Variants in LHCGR observed in about 807,000 individuals in gnomAD.
The protein encoded by LHCGR is lutropin-choriogonadotropic hormone receptor.
A neutral mutation model predicts 60.7 loss-of-function variants in LHCGR; 55 were observed. The observed-to-expected ratio is 0.91, with a 90% confidence interval of 0.73 to 1.13. LHCGR has a LOEUF of 1.13. Ranked by LOEUF, LHCGR falls within the 50% of genes most tolerant of loss-of-function variation. LHCGR has a pLI of 0.00. For synonymous variants in LHCGR, 337 were observed against 316.5 expected (o/e 1.06, Z -0.69); for missense variants, 862 against 836.0 (o/e 1.03, Z -0.38).
At position 48,709,015 on chromosome 2, in the gene LHCGR, T is replaced by G. The variant is rs765203129; in HGVS notation, c.613A>C (p.Lys205Gln). Residue 205 changes from lysine to glutamine, a missense_variant, in exon 8 of 11, where the codon AAG becomes CAG. By Grantham distance (53) the Lys-to-Gln change is moderately conservative. Transcript: ENST00000294954. ...ATCTTCTCCAGATGTACGTTTTCCTTTAGCTCCCTGTGGGGAAGGATATTG... is the reference window on the plus strand; with the variant it reads ...ATCTTCTCCAGATGTACGTTTTCCTGTAGCTCCCTGTGGGGAAGGATATTG... ...NGTTLTSLEL[K>Q]ENVHLEKMHN... is the part of the protein sequence containing the mutation. 5 of 1,614,068 alleles carry G rather than the reference T, an allele frequency of 3.1e-6. No individual in the cohort carries two copies. The South Asian group carries it at 5.5e-5, about 18-fold the overall frequency.
chr2:48,735,870 TGTTGGAGGTGGGGCTTG>T (rs1484174327), intron 1 of LHCGR, among the ~76,000 whole-genome samples: 1 of 152,112 alleles, frequency 6.6e-6, no homozygotes, highest in Admixed American at 6.5e-5. Context: ...TAATTCCCAG[TGTTGGAGGTGGGGCTTG>T]GTTGGAGGTG....
chr2:48,692,508 C>T (rs1666901411), intron 10 of LHCGR, among the ~76,000 whole-genome samples: 1 of 152,132 alleles, frequency 6.6e-6, no homozygotes, highest in Admixed American at 6.5e-5. Context: ...TGGGATGGCT[C>T]CTGAGGGCAG....
At chr2:48,708,804 A>G (rs1306829944) in intron 8 of LHCGR, 144 bp downstream of exon 8, 3 of 765,980 alleles carry the variant, frequency 3.9e-6, no homozygotes, top group African/African-American at 3.4e-5. Flanking sequence ...CAGCTGTGAT[A>G]CACTTTGTCT....
At position 48,750,860 on chromosome 2, in the gene LHCGR, T is replaced by A. The variant is rs76631492; in HGVS notation, c.161+4651A>T. The stretch of plus-strand genomic sequence containing the variant: ...CCAAATGTCTAGAGATACTTTTGGT[T>A]GTCACAATTTGGGAAGGCAGCGCTC... On this transcript the variant is annotated intron_variant, in intron 1 of 10. Transcript: ENST00000294954. Among the ~76,000 whole-genome samples, 28 of 152,302 alleles carry A rather than the reference T, an allele frequency of 1.8e-4. No homozygotes were observed. In the East Asian group the frequency reaches 5.4e-3, roughly 29 times the overall value.
chr2:48,737,454 AC>A (rs1447677957), intron 1 of LHCGR, among the ~76,000 whole-genome samples: 3 of 152,372 alleles, frequency 2.0e-5, no homozygotes, highest in African/African-American at 7.2e-5. Flanking sequence ...TCTACACTTA[AC>A]AGTGTCTTAA....
intron 1 of LHCGR, among the ~76,000 whole-genome samples, chr2:48,748,790 C>T (rs928664274): frequency 3.3e-5 from 5 of 152,136 alleles, no homozygotes; most frequent in African/African-American, 1.2e-4. Context: ...CACTCAGGGA[C>T]AGGAATCATC....
chr2:48,746,146 C>T (rs1669696873), intron 1 of LHCGR, among the ~76,000 whole-genome samples: 1 of 152,206 alleles, frequency 6.6e-6, no homozygotes, highest in African/African-American at 2.4e-5. Context: ...CAGCTGCTTA[C>T]TGTGAAAGAT....
chr2:48,749,007 A>G (rs1669831904), intron 1 of LHCGR, among the ~76,000 whole-genome samples: 2 of 152,222 alleles, frequency 1.3e-5, no homozygotes. Context: ...GTCTGCTGCT[A>G]CTCATGAGGT....
chr2:48,727,033 T>C (rs1448539577), intron 3 of LHCGR, among the ~76,000 whole-genome samples: 2 of 152,128 alleles, frequency 1.3e-5, no homozygotes, highest in Admixed American at 1.3e-4. Context: ...TCTTCAGATG[T>C]GAGTGATATT....
At chr2:48,724,499 C>T (rs1418454572) in intron 4 of LHCGR, among the ~76,000 whole-genome samples, 1 of 152,172 alleles carries the variant, frequency 6.6e-6, no homozygotes, top group African/African-American at 2.4e-5. Flanking sequence ...CTCTGGTTCT[C>T]CTTCTTATCC....
intron 1 of LHCGR, among the ~76,000 whole-genome samples, chr2:48,749,281 A>C (rs1237520977): frequency 1.3e-5 from 2 of 152,200 alleles, no homozygotes. Context: ...AAGCAGCTAG[A>C]AGCTGCCCAC....
chr2:48,716,780 A>G (rs1668268311), intron 6 of LHCGR, among the ~76,000 whole-genome samples: 1 of 152,158 alleles, frequency 6.6e-6, no homozygotes, highest in African/African-American at 2.4e-5. Context: ...TAGATAAAGG[A>G]ATCACACTCT....
intron 6 of LHCGR, among the ~76,000 whole-genome samples, chr2:48,715,902 T>C (rs1399033989): frequency 6.6e-6 from 1 of 152,190 alleles, no homozygotes; most frequent in Non-Finnish European, 1.5e-5. Flanking sequence ...CTTAAACTCC[T>C]GGGGCCTCAC....
chr2:48,731,519 G>T (rs1331905257), intron 1 of LHCGR, among the ~76,000 whole-genome samples: 1 of 152,158 alleles, frequency 6.6e-6, no homozygotes, highest in Non-Finnish European at 1.5e-5. Context: ...GGTTAAGACT[G>T]TGAACGTTGA....
In LHCGR at chr2:48,688,825, A is replaced by C; in HGVS notation, c.972T>G (p.Ser324Arg). The C allele has an allele frequency of 1.2e-6, 2 of 1,614,000 alleles. No individual in the cohort carries two copies. The highest frequency in any genetic ancestry group is 1.7e-6 in the Non-Finnish European group (2 of 1,179,972). The stretch of plus-strand genomic sequence containing the variant: ...ATTCATAGTCCCAGCCACTCAGTTC[A>C]CTCTCAGCAAGCATGGAAGAATAAC... ...KTLYSSMLAESELSGWDYEYG... is the reference protein window; with the variant it reads ...KTLYSSMLAERELSGWDYEYG... The change falls in exon 11 of 11, where the codon AGT (serine) becomes AGG (arginine). Residue 324 changes from serine to arginine, a missense_variant. Coordinates refer to ENST00000294954, the MANE Select transcript of LHCGR (RefSeq NM_000233.4). This position sits in a 1 kb window ranked among gnomAD's most constrained non-coding sequence, Gnocchi z 5.2.
At chr2:48,711,116 G>A (rs116554316) in intron 7 of LHCGR, among the ~76,000 whole-genome samples, 2,352 of 152,052 alleles carry the variant, frequency 0.015, 37 homozygotes, top group Admixed American at 0.027. Flanking sequence ...TTTCTGTAAC[G>A]TGCTTCCCTC....
intron 1 of LHCGR, among the ~76,000 whole-genome samples, chr2:48,749,747 A>C (rs13020003): frequency 0.27 from 41,128 of 150,530 alleles, 6,008 homozygotes; most frequent in Non-Finnish European, 0.32. Context: ...AAGAAGAAAA[A>C]CCCAAGGAAT....
At chr2:48,731,124 AT>A in intron 2 of LHCGR, 102 bp downstream of exon 2, 2 of 767,154 alleles carry the variant, frequency 2.6e-6, no homozygotes, top group Non-Finnish European at 4.5e-6. Context: ...CCTAAACACA[AT>A]TTCTTTCCTA....
At chr2:48,689,521 T>C (rs892786423) in intron 10 of LHCGR, among the ~76,000 whole-genome samples, 4 of 152,152 alleles carry the variant, frequency 2.6e-5, no homozygotes, top group Admixed American at 6.5e-5. Context: ...GGATAGATTA[T>C]TAGAAATTTA....
Sources: allele counts gnomAD v4.1 joint callset (sites outside exome capture counted in the v4.1 genomes callset), GRCh38; gene constraint gnomAD v4.1.1; non-coding constraint Gnocchi (gnomAD v3.1); transcripts MANE v1.5; gene names NCBI Gene and HGNC (gene_info 2026-07-23, HGNC 2026-07-21).